The following VPS13C variants were observed in gnomAD, a reference collection of about 807,000 sequenced individuals.
VPS13C encodes vacuolar protein sorting 13 homolog C, also known as intermembrane lipid transfer protein VPS13C.
VPS13C carries 358 observed loss-of-function variants against 456.8 expected under a neutral mutation model. The ratio of observed to expected loss-of-function variants is 0.78; its 90% CI spans 0.72 to 0.86. The LOEUF is 0.86. VPS13C is among the 40% of genes least tolerant of loss of function. VPS13C has a pLI of 0.00. For synonymous variants in VPS13C, 1,578 were observed against 1,486.7 expected, an observed-to-expected ratio of 1.06 and a Z score of -1.41; for missense variants, 4,818 against 4,385.4, an observed-to-expected ratio of 1.10 and a Z score of -2.79.
intron 82 of VPS13C, among the ~76,000 whole-genome samples, chr15:61,863,199 A>AT (rs1360116471): frequency 4.6e-5 from 7 of 152,138 alleles, no homozygotes; most frequent in African/African-American, 1.7e-4. Flanking sequence ...TGTAACTTGG[A>AT]TAAGTCCCTA....
intron 16 of VPS13C, among the ~76,000 whole-genome samples, chr15:61,998,010 T>A (rs2046450811): frequency 6.6e-6 from 1 of 152,166 alleles, no homozygotes; most frequent in Admixed American, 6.5e-5. Flanking sequence ...CAATCTCAAC[T>A]CCCACGAGCA....
intron 27 of VPS13C, among the ~76,000 whole-genome samples, chr15:61,969,684 T>C (rs2045488090): frequency 6.6e-6 from 1 of 152,194 alleles, no homozygotes; most frequent in Non-Finnish European, 1.5e-5. Flanking sequence ...CATTGTTTAC[T>C]TTTTCTAATT....
intron 82 of VPS13C, among the ~76,000 whole-genome samples, chr15:61,861,683 A>C (rs1018714995): frequency 6.6e-6 from 1 of 152,202 alleles, no homozygotes. Context: ...TTCTTTAAAA[A>C]AGAAAATGTT....
intron 53 of VPS13C, among the ~76,000 whole-genome samples, chr15:61,923,798 G>C (rs958020176): frequency 6.9e-6 from 1 of 145,376 alleles, no homozygotes; most frequent in Non-Finnish European, 1.5e-5. Flanking sequence ...TATAATTAAT[G>C]CTTCCAGTCT....
intron 78 of VPS13C, among the ~76,000 whole-genome samples, chr15:61,872,720 T>C (rs576691647): frequency 6.6e-6 from 1 of 152,214 alleles, no homozygotes; most frequent in African/African-American, 2.4e-5. Context: ...ATGATTAGGG[T>C]ATTCTAGCCT....
At chr15:61,878,830 CA>C in intron 73 of VPS13C, 84 bp from the exon 74 acceptor site, 2 of 1,414,794 alleles carry the variant, frequency 1.4e-6, no homozygotes, top group East Asian at 2.5e-5. Flanking sequence ...AGAAACAAAC[CA>C]AAAAAAGTCT....
chr15:62,057,726 C>T (rs775266166), intron 1 of VPS13C, among the ~76,000 whole-genome samples: 1 of 152,140 alleles, frequency 6.6e-6, no homozygotes, highest in Non-Finnish European at 1.5e-5. Flanking sequence ...AAGAAAGTCT[C>T]CTTTTCTAGA....
intron 67 of VPS13C, among the ~76,000 whole-genome samples, chr15:61,888,188 C>T (rs1896405530): frequency 6.6e-6 from 1 of 152,162 alleles, no homozygotes; most frequent in African/African-American, 2.4e-5. Flanking sequence ...AAAACACCGA[C>T]AATACCAAAT....
At chr15:61,979,726 A>G (rs1180319114) in intron 22 of VPS13C, among the ~76,000 whole-genome samples, 2 of 152,224 alleles carry the variant, frequency 1.3e-5, no homozygotes, top group African/African-American at 4.8e-5. Flanking sequence ...TTCAGCTTAC[A>G]CAATTCTGAC....
At chr15:61,999,460 G>A (rs868038754) in intron 16 of VPS13C, among the ~76,000 whole-genome samples, 5 of 151,700 alleles carry the variant, frequency 3.3e-5, no homozygotes, top group African/African-American at 4.8e-5. Context: ...CGTCCCTAAC[G>A]TTCAGTTTGT....
intron 1 of VPS13C, among the ~76,000 whole-genome samples, chr15:62,058,890 C>G (rs989320657): frequency 1.1e-4 from 16 of 150,862 alleles, no homozygotes; most frequent in African/African-American, 3.2e-4. Flanking sequence ...GCACTCCAGC[C>G]TTGGCAACAG....
rs1204396766 is a variant in VPS13C, at chr15:61,916,134, C to G, written c.8056-112G>C. The G allele has an allele frequency of 8.9e-6, 11 of 1,229,140 alleles. No individual in the cohort carries two copies. In the East Asian group the frequency reaches 2.3e-4, roughly 25 times the overall value. 76.1% of individuals were successfully genotyped at this position (1,229,140 alleles called of 1,614,324 possible). On this transcript the variant is annotated intron_variant, in intron 60 of 84. Coordinates refer to ENST00000644861, the MANE Select transcript of VPS13C (RefSeq NM_020821.3). Reference sequence around the variant, plus strand: ...ACCAGATGCATGTAAACTGCTAAGTCTTCTGTGAAGTACCATGCTTACATA... The same window carrying G: ...ACCAGATGCATGTAAACTGCTAAGTGTTCTGTGAAGTACCATGCTTACATA...
At chr15:61,927,055 C>T in intron 52 of VPS13C, 36 bp downstream of exon 52, 1 of 1,579,362 alleles carries the variant, frequency 6.3e-7, no homozygotes, top group South Asian at 1.1e-5. Context: ...TTCTGCCATT[C>T]TTCAACCCAA....
chr15:61,964,944 G>A, intron 30 of VPS13C, 83 bp from the exon 31 acceptor site: 1 of 1,316,282 alleles, frequency 7.6e-7, no homozygotes, highest in Non-Finnish European at 1.0e-6. Context: ...AAGATTCTCA[G>A]GTGGGCTTAC....
intron 47 of VPS13C, 142 bp from the exon 48 acceptor site, chr15:61,936,892 G>T: frequency 1.1e-6 from 1 of 901,450 alleles, no homozygotes; most frequent in Non-Finnish European, 1.6e-6. Flanking sequence ...ATAAATACCA[G>T]AACAGAAGTA....
At position 61,962,431 on chromosome 15, in the gene VPS13C, C is replaced by G. The variant is rs766129799; in HGVS notation, c.3543G>C (p.Leu1181=). The G allele has an allele frequency of 6.8e-6, 11 of 1,611,142 alleles. No individual in the cohort carries two copies. The highest frequency in any genetic ancestry group is 3.4e-6 in the Non-Finnish European group (4 of 1,178,276). ...TCTGAATACAGCCAACATTCAGAGACAGCACACCATCCACTTTGGACATGT... is the reference window on the plus strand; with the variant it reads ...TCTGAATACAGCCAACATTCAGAGAGAGCACACCATCCACTTTGGACATGT... ...YTDMSKVDGV[L]SLNVGCIQIV... is the part of the protein sequence containing the mutation. The change falls in exon 34 of 85, where the codon CTG becomes CTC. Residue 1181 remains leucine (L), a synonymous_variant. Transcript: ENST00000644861.
chr15:61,893,180 A>C (rs2042702229), intron 66 of VPS13C, among the ~76,000 whole-genome samples: 1 of 152,324 alleles, frequency 6.6e-6, no homozygotes, highest in South Asian at 2.1e-4. Flanking sequence ...TAAGGCATAT[A>C]ATAATCAAAC....
chr15:62,041,807 A>C (rs2140715544), intron 2 of VPS13C, among the ~76,000 whole-genome samples: 1 of 152,202 alleles, frequency 6.6e-6, no homozygotes, highest in South Asian at 2.1e-4. Flanking sequence ...GTGACAAGAC[A>C]AAACTCTGTC....
chr15:62,052,336 T>C (rs184451870), intron 1 of VPS13C, among the ~76,000 whole-genome samples: 3 of 152,250 alleles, frequency 2.0e-5, no homozygotes, highest in Non-Finnish European at 4.4e-5. Context: ...GAACAGTTTT[T>C]TAAAGCAAAG....
Sources: gnomAD v4.1 joint callset for allele counts (sites outside exome capture counted in the v4.1 genomes callset) on GRCh38, gnomAD v4.1.1 for gene constraint, MANE v1.5 for transcripts, NCBI Gene and HGNC (gene_info 2026-07-23, HGNC 2026-07-21) for gene names.